Variants in DAB2IP observed in about 807,000 individuals in gnomAD.
DAB2IP encodes the protein DAB2 interacting protein.
Under a neutral mutation model 107.2 loss-of-function variants are expected in DAB2IP, and 28 were observed. The ratio of observed to expected loss-of-function variants is 0.26; its 90% CI spans 0.19 to 0.36. The LOEUF is 0.36. DAB2IP is among the 10% of genes least tolerant of loss of function. DAB2IP has a pLI of 1.00. For missense variants in DAB2IP, 1,400 were observed against 1,644.7 expected (o/e 0.85, Z 2.57); for synonymous variants, 755 against 706.4 (o/e 1.07, Z -1.09).
intron 9 of DAB2IP, among the ~76,000 whole-genome samples, chr9:121,767,837 G>T (rs1834394915): frequency 6.6e-6 from 1 of 152,176 alleles, no homozygotes; most frequent in Non-Finnish European, 1.5e-5. Context: ...GGCTGCAAGG[G>T]ACAAGGTTAG....
At chr9:121,755,275 G>GC (rs1292607712) in intron 3 of DAB2IP, among the ~76,000 whole-genome samples, 2 of 152,326 alleles carry the variant, frequency 1.3e-5, no homozygotes, top group South Asian at 2.1e-4. Context: ...GTAGGCCAGT[G>GC]CCCCTTTGTG....
chr9:121,770,439 A>G (rs1834632219), intron 10 of DAB2IP, 107 bp from the exon 11 acceptor site: 2 of 1,286,114 alleles, frequency 1.6e-6, no homozygotes, highest in South Asian at 3.0e-5. Context: ...GGGGATCTGC[A>G]CTTCTGACAG....
At position 121,634,468 on chromosome 9, in the gene DAB2IP, G is replaced by A. The variant is rs1482663991; in HGVS notation, c.41-44210G>A. On this transcript the variant is annotated intron_variant, in intron 1 of 16. Transcript: ENST00000259371. This position sits in a 1 kb window ranked among gnomAD's most constrained non-coding sequence, Gnocchi z 4.7. ...TTAGTGTACACAGGAGCCCCACCCT[G>A]AGCCACTGTGGCCCCAGGTGTCCCC... Among the ~76,000 whole-genome samples the A allele has an allele frequency of 2.0e-5, 3 of 152,206 alleles. No individual in the cohort carries two copies. The highest frequency in any genetic ancestry group is 1.5e-5 in the Non-Finnish European group (1 of 68,042).
At chr9:121,696,506 G>C (rs1829436632) in intron 2 of DAB2IP, among the ~76,000 whole-genome samples, 1 of 152,220 alleles carries the variant, frequency 6.6e-6, no homozygotes, top group South Asian at 2.1e-4. Flanking sequence ...AGCTGCCTCT[G>C]AAGGGACAGC....
At chr9:121,661,416 G>A (rs1043682382) in intron 1 of DAB2IP, among the ~76,000 whole-genome samples, 3 of 152,032 alleles carry the variant, frequency 2.0e-5, no homozygotes, top group Admixed American at 2.0e-4. Flanking sequence ...ACACAGGGTG[G>A]GGTAAGTGTC....
intron 1 of DAB2IP, among the ~76,000 whole-genome samples, chr9:121,586,042 G>A (rs1830304676): frequency 6.6e-6 from 1 of 152,056 alleles, no homozygotes; most frequent in Admixed American, 6.6e-5. Flanking sequence ...CGTAGAGGTA[G>A]GCTACCATTT....
chr9:121,774,357 A>AC lies in DAB2IP; in HGVS notation c.3073dup (p.His1025ProfsTer4), dbSNP rs751187768. ...TTAGAAGACGAGGGCCTGGGCCCAG[A>AC]CCCCCCCCACAGGGATAGGCTAAGG... On this transcript the variant is annotated frameshift_variant, in exon 13 of 16. Coordinates refer to ENST00000408936, the Ensembl canonical transcript of DAB2IP. LOFTEE classifies it high-confidence loss of function. The AC allele has an allele frequency of 6.4e-5, 103 of 1,609,082 alleles. No homozygotes were observed. Among genetic ancestry groups the AC allele is most frequent in the Admixed American group, 1.0e-4 (6 of 59,596 alleles).
In DAB2IP at chr9:121,731,757, G is replaced by A. The variant is rs1404059322; in HGVS notation, c.363-25256G>A. On this transcript the variant is annotated intron_variant, in intron 3 of 15. Transcript: ENST00000408936. ...GCCCGGGTTACAGTACCTGGCATTA[G>A]ATCTCTTCTTTTGGGGTCTGGGTGT... 2.0e-5 allele frequency among the ~76,000 whole-genome samples: 3 copies of A among 152,302 alleles called. No individual in the cohort carries two copies. The East Asian group carries it at 5.8e-4, about 29-fold the overall frequency.
intron 1 of DAB2IP, among the ~76,000 whole-genome samples, chr9:121,630,237 G>A (rs1831824024): frequency 6.6e-6 from 1 of 152,144 alleles, no homozygotes. Flanking sequence ...GTTCTCTAAG[G>A]CATTAATAAA....
chr9:121,729,102 C>G (rs1286537451), intron 3 of DAB2IP, among the ~76,000 whole-genome samples: 2 of 152,154 alleles, frequency 1.3e-5, no homozygotes, highest in East Asian at 3.9e-4. Flanking sequence ...TGACAGTCAT[C>G]AGCTCATTTA....
intron 1 of DAB2IP, among the ~76,000 whole-genome samples, chr9:121,595,731 T>C (rs1157799349): frequency 1.3e-5 from 2 of 152,232 alleles, no homozygotes; most frequent in African/African-American, 4.8e-5. Flanking sequence ...CAGAATGGTG[T>C]ATTTATCATT....
intron 1 of DAB2IP, among the ~76,000 whole-genome samples, chr9:121,623,081 C>G (rs574079): frequency 0.36 from 54,788 of 152,084 alleles, 12,049 homozygotes; most frequent in Non-Finnish European, 0.51. Flanking sequence ...GAGATGCTTA[C>G]TTAAGAGAGC....
Position 121,782,821 on chromosome 9 carries a change from C to T in DAB2IP, c.*323C>T, listed in dbSNP as rs1337353161. 5 of 1,150,956 alleles carry T rather than the reference C, an allele frequency of 4.3e-6. No homozygotes were observed. Among genetic ancestry groups the T allele is most frequent in the Non-Finnish European group, 5.4e-6 (5 of 931,694 alleles). 71.3% of individuals were successfully genotyped at this position (1,150,956 alleles called of 1,614,324 possible). On this transcript the variant is annotated 3_prime_UTR_variant, in exon 16 of 16. Coordinates refer to ENST00000408936, the Ensembl canonical transcript of DAB2IP. The surrounding 1 kb of genome is among the most constrained non-coding windows in gnomAD (Gnocchi z 6.1). ...CTGAATGTGGTGTGTCCTTGTCCTC[C>T]TGGATCTGGCCGAGTGCATGTGTCC...
At chr9:121,775,543 C>G (rs544652497) in intron 13 of DAB2IP, among the ~76,000 whole-genome samples, 1 of 152,188 alleles carries the variant, frequency 6.6e-6, no homozygotes, top group Non-Finnish European at 1.5e-5. Context: ...CCTCGCTCAG[C>G]GCAGAGCACC....
intron 1 of DAB2IP, among the ~76,000 whole-genome samples, chr9:121,585,834 A>G (rs1245096774): frequency 1.1e-5 from 1 of 88,604 alleles, no homozygotes; most frequent in Non-Finnish European, 2.3e-5. Flanking sequence ...AGCCTGGGTG[A>G]GGGTTAGGGA....
At chr9:121,774,894 C>A (rs902547720) in intron 13 of DAB2IP, among the ~76,000 whole-genome samples, 1 of 152,156 alleles carries the variant, frequency 6.6e-6, no homozygotes, top group African/African-American at 2.4e-5. Flanking sequence ...TGGCTCTTCA[C>A]CCCTCTGGTC....
chr9:121,567,190 T>G, exon 1 of DAB2IP: 1 of 1,613,994 alleles, frequency 6.2e-7, no homozygotes, highest in African/African-American at 1.3e-5. Context: ...CCACACGCCA[T>G]GGAGCCCGAC....
At chr9:121,582,675 T>G (rs1347809651) in intron 1 of DAB2IP, among the ~76,000 whole-genome samples, 5 of 152,160 alleles carry the variant, frequency 3.3e-5, no homozygotes, top group Admixed American at 3.3e-4. Flanking sequence ...TTCAGCCAAA[T>G]CTAGCTGTTG....
At chr9:121,708,340 C>T (rs1015547965) in intron 3 of DAB2IP, among the ~76,000 whole-genome samples, 1 of 152,192 alleles carries the variant, frequency 6.6e-6, no homozygotes, top group South Asian at 2.1e-4. Flanking sequence ...CCACCAGTAG[C>T]ATGTCATGTC....
Sources: gnomAD v4.1 joint callset for allele counts (sites outside exome capture counted in the v4.1 genomes callset) on GRCh38, gnomAD v4.1.1 for gene constraint, Gnocchi (gnomAD v3.1) non-coding constraint, MANE v1.5 for transcripts, NCBI Gene and HGNC (gene_info 2026-07-23, HGNC 2026-07-21) for gene names.